Variants in GNPDA2 observed in about 807,000 individuals in gnomAD.
GNPDA2 encodes the protein glcN6P deaminase 2.
GNPDA2 carries 24 observed loss-of-function variants against 27.0 expected under a neutral mutation model. The ratio of observed to expected loss-of-function variants is 0.89; its 90% CI spans 0.64 to 1.25. The LOEUF is 1.25. GNPDA2 is among the 50% of genes most tolerant of loss of function. GNPDA2 has a pLI of 0.00. For missense variants in GNPDA2, 286 were observed against 335.1 expected (o/e 0.85, Z 1.14); for synonymous variants, 94 against 108.4 (o/e 0.87, Z 0.83).
chr4:44,718,614 TG>T (rs139809858), intron 2 of GNPDA2, among the ~76,000 whole-genome samples: 9,169 of 151,986 alleles, frequency 0.06, 319 homozygotes, highest in East Asian at 0.15. Context: ...GCTGGAAATC[TG>T]TCAATAAAAA....
intron 5 of GNPDA2, among the ~76,000 whole-genome samples, chr4:44,710,441 T>G (rs1716900618): frequency 6.6e-6 from 1 of 152,184 alleles, no homozygotes; most frequent in African/African-American, 2.4e-5. Context: ...ACACAGGGTC[T>G]TCTGTTCAGA....
intron 1 of GNPDA2, among the ~76,000 whole-genome samples, chr4:44,722,560 T>C (rs1222126596): frequency 6.6e-6 from 1 of 152,200 alleles, no homozygotes; most frequent in Non-Finnish European, 1.5e-5. Context: ...GATGTTTGCA[T>C]CTGTATTAAA....
At chr4:44,713,783 G>A (rs138591086) in intron 4 of GNPDA2, among the ~76,000 whole-genome samples, 4,880 of 152,034 alleles carry the variant, frequency 0.032, 162 homozygotes, top group East Asian at 0.1. Context: ...AGGAGGCTGA[G>A]GCAGGAGGAT....
chr4:44,707,872 C>G lies in GNPDA2; in HGVS notation c.649G>C (p.Glu217Gln). 1.2e-6 allele frequency: 2 copies of G among 1,613,310 alleles called. No homozygotes were observed. Among genetic ancestry groups the G allele is most frequent in the Non-Finnish European group, 1.7e-6 (2 of 1,179,448 alleles). ...HKAFALYKAI[E>Q]EGVNHMWTVS... is the part of the protein sequence containing the mutation. ...GTCCACATGTGATTGACTCCTTCTT[C>G]TATTGCTTTGTACAGGGCAAATGCC... is the stretch of plus-strand genomic sequence containing the variant. The change falls in exon 6 of 7, where the codon GAA (glutamate) becomes CAA (glutamine). Residue 217 changes from glutamate (E) to glutamine (Q), a missense_variant. By Grantham distance (29) the Glu-to-Gln change is conservative. Transcript: ENST00000295448.
chr4:44,724,205 T>C (rs1036444322), intron 1 of GNPDA2, among the ~76,000 whole-genome samples: 1 of 152,166 alleles, frequency 6.6e-6, no homozygotes, highest in African/African-American at 2.4e-5. Flanking sequence ...CAGCACAAAT[T>C]GGCCTTAGAT....
At position 44,721,050 on chromosome 4, in the gene GNPDA2, T is replaced by C. The variant is rs548133792; in HGVS notation, c.124+1034A>G. Among the ~76,000 whole-genome samples the C allele has an allele frequency of 2.5e-5, 3 of 119,626 alleles. No homozygotes were observed. In the East Asian group the frequency reaches 6.6e-4, roughly 26 times the overall value. The allele number at this position is 119,626 out of a possible 152,430, so 78.5% of individuals were successfully genotyped here. A position where few individuals can be genotyped will look rare whatever the true frequency, so the allele number is the denominator to read the frequency against. On this transcript the variant is annotated intron_variant, in intron 2 of 6. Transcript: ENST00000295448. ...GTGCTGGGGGTGTAGTACTGGTGTG[T>C]CCAGTGAAAAAAAAAAAACCCTTTT...
In GNPDA2 at chr4:44,702,250, A is replaced by G. The variant is rs1716317013; in HGVS notation, c.*831T>C. On this transcript the variant is annotated 3_prime_UTR_variant, in exon 7 of 7. Transcript: ENST00000295448. ...TGTAGTTTACAGTAATTCCTTTTAT[A>G]TATACTTCGTATTATTCTTTTAGAC... 1 of 627,244 alleles carries G rather than the reference A, an allele frequency of 1.6e-6. No individual in the cohort carries two copies. The highest frequency in any genetic ancestry group is 6.3e-5 in the Admixed American group (1 of 15,768). 38.9% of individuals were successfully genotyped at this position (627,244 alleles called of 1,614,324 possible).
At chr4:44,718,666 G>GAT (rs1717471078) in intron 2 of GNPDA2, among the ~76,000 whole-genome samples, 1 of 151,858 alleles carries the variant, frequency 6.6e-6, no homozygotes, top group East Asian at 1.9e-4. Context: ...TGGGTACTGG[G>GAT]ATATACTATA....
intron 4 of GNPDA2, among the ~76,000 whole-genome samples, chr4:44,712,197 A>C (rs1181382286): frequency 3.9e-5 from 6 of 152,146 alleles, no homozygotes; most frequent in Non-Finnish European, 8.8e-5. Context: ...AGCTAGTCAC[A>C]TTTCTGGTAA....
rs747772800 is a variant in GNPDA2 at position 44,718,425 on chromosome 4, A to T, written c.125-15T>A. 11 of 978,274 alleles carry T rather than the reference A, an allele frequency of 1.1e-5. No homozygotes were observed. Among genetic ancestry groups the T allele is most frequent in the Non-Finnish European group, 1.2e-5 (8 of 677,220 alleles). 60.6% of individuals were successfully genotyped at this position (978,274 alleles called of 1,614,324 possible). A position where few individuals can be genotyped will look rare whatever the true frequency, so the allele number is the denominator to read the frequency against. On this transcript the variant is annotated splice_polypyrimidine_tract_variant and intron_variant, in intron 2 of 6. Transcript: ENST00000295448. The stretch of plus-strand genomic sequence containing the variant: ...AGGTGTACTCCCTAAAAGACATAAA[A>T]ATTCCATTTTCTAAAATGACTTAAT...
At chr4:44,710,850 A>C in intron 5 of GNPDA2, 103 bp downstream of exon 5, 1 of 972,770 alleles carries the variant, frequency 1.0e-6, no homozygotes, top group Non-Finnish European at 1.5e-6. Context: ...TTATACTGCA[A>C]ATAGAATGCA....
In GNPDA2 at chr4:44,702,428, A is replaced by G. The variant is rs1716333064; in HGVS notation, c.*653T>C. Reference sequence around the variant, plus strand: ...ACATGAACCCAAGTCGTTAAATAAAAATAAGATATTTGTAAAAAAGTGCTA... The same window carrying G: ...ACATGAACCCAAGTCGTTAAATAAAGATAAGATATTTGTAAAAAAGTGCTA... On this transcript the variant is annotated 3_prime_UTR_variant, in exon 7 of 7. Transcript: ENST00000295448. 1.0e-6 allele frequency: 1 copy of G among 977,034 alleles called. No homozygotes were observed. Among genetic ancestry groups the G allele is most frequent in the Non-Finnish European group, 1.2e-6 (1 of 822,072 alleles). The allele number at this position is 977,034 out of a possible 1,614,324, so 60.5% of individuals were successfully genotyped here.
At chr4:44,720,529 C>G (rs566533267) in intron 2 of GNPDA2, among the ~76,000 whole-genome samples, 30 of 152,216 alleles carry the variant, frequency 2.0e-4, no homozygotes, top group African/African-American at 7.2e-4. Context: ...AGGTTCACAG[C>G]ATGCAGGCCT....
chr4:44,714,301 G>A, intron 4 of GNPDA2: 1 of 985,112 alleles, frequency 1.0e-6, no homozygotes, highest in Non-Finnish European at 1.2e-6. Context: ...AAAAATCCAT[G>A]TTTGTATATC....
At chr4:44,714,281 T>C (rs780364519) in intron 4 of GNPDA2, 1 of 984,814 alleles carries the variant, frequency 1.0e-6, no homozygotes, top group Non-Finnish European at 1.2e-6. Flanking sequence ...CAGCCCTAGA[T>C]TTTATTTTTA....
chr4:44,709,941 C>A (rs139245792), intron 5 of GNPDA2, among the ~76,000 whole-genome samples: 1 of 152,084 alleles, frequency 6.6e-6, no homozygotes, highest in Non-Finnish European at 1.5e-5. Context: ...TCACACACTG[C>A]ACTCCTGTCT....
intron 6 of GNPDA2, chr4:44,704,441 G>A: frequency 5.6e-6 from 5 of 890,680 alleles, no homozygotes; most frequent in Non-Finnish European, 6.7e-6. Context: ...TAAAATACAT[G>A]CAAATTAAAA....
rs1717350286 is a variant in GNPDA2, at chr4:44,717,143, CTTT to C, written c.376_378del (p.Lys126del). 6.2e-7 allele frequency: 1 copy of C among 1,608,202 alleles called. No individual in the cohort carries two copies. Among genetic ancestry groups the C allele is most frequent in the Non-Finnish European group, 8.5e-7 (1 of 1,177,652 alleles). On this transcript the variant is annotated inframe_deletion, in exon 4 of 7. Coordinates refer to ENST00000295448, the MANE Select transcript of GNPDA2 (RefSeq NM_138335.3). ...ACAAAAAGATCTATTCCTCCAGCTT[CTTT>C]TATTTTGTTTTCAAAAGCATCACAT... is the stretch of plus-strand genomic sequence containing the variant.
chr4:44,707,361 T>TA, intron 6 of GNPDA2: 1 of 231,434 alleles, frequency 4.3e-6, no homozygotes, highest in Non-Finnish European at 8.3e-6. Context: ...GATTAGGTTC[T>TA]AAATTAAGGT....
Sources: gnomAD v4.1 joint callset for allele counts (sites outside exome capture counted in the v4.1 genomes callset) on GRCh38, gnomAD v4.1.1 for gene constraint, MANE v1.5 for transcripts, NCBI Gene and HGNC (gene_info 2026-07-23, HGNC 2026-07-21) for gene names.